The following WDR26 variants were observed in gnomAD, a reference collection of about 807,000 sequenced individuals.
WDR26 encodes the protein WD repeat-containing protein 26.
WDR26 carries 5 observed loss-of-function variants against 84.1 expected under a neutral mutation model. The observed-to-expected ratio is 0.06, with a 90% confidence interval of 0.03 to 0.13. The LOEUF (loss-of-function observed/expected upper bound fraction) is 0.13. Among genes scored for constraint, WDR26 ranks in the 10% least tolerant of loss-of-function variants. The probability of loss-of-function intolerance (pLI) is 1.00; values close to 1 mark genes in which losing one functional copy is unlikely to be tolerated. For missense variants in WDR26, 642 were observed against 974.9 expected (o/e 0.66, Z 4.55); for synonymous variants, 415 against 389.6 (o/e 1.07, Z -0.77).
At chr1:224,420,974 T>C (rs532430091) in intron 4 of WDR26, among the ~76,000 whole-genome samples, 31 of 152,344 alleles carry the variant, frequency 2.0e-4, no homozygotes, top group African/African-American at 7.0e-4. Flanking sequence ...AATTATATTT[T>C]AAAATGTTCA....
At chr1:224,407,798 C>T (rs1030447085) in intron 7 of WDR26, among the ~76,000 whole-genome samples, 10 of 151,904 alleles carry the variant, frequency 6.6e-5, no homozygotes, top group Admixed American at 5.2e-4. Context: ...GGTAAGCCAC[C>T]GCACCCGGCC....
intron 5 of WDR26, among the ~76,000 whole-genome samples, chr1:224,418,737 T>C (rs1225344248): frequency 2.0e-5 from 3 of 152,196 alleles, no homozygotes; most frequent in East Asian, 3.8e-4. Flanking sequence ...TTAGATATTA[T>C]TGTGTACCAG....
At chr1:224,429,800 T>G (rs1376266708) in intron 3 of WDR26, 1 of 152,220 alleles carries the variant, frequency 6.6e-6, no homozygotes, top group Non-Finnish European at 1.5e-5. Context: ...ACATGCTGCC[T>G]CTAATGAAGG....
chr1:224,427,858 T>G (rs1414313753), intron 3 of WDR26, among the ~76,000 whole-genome samples: 1 of 152,176 alleles, frequency 6.6e-6, no homozygotes, highest in Non-Finnish European at 1.5e-5. Flanking sequence ...TGTTAAATAT[T>G]TACTGAAAAC....
intron 12 of WDR26, among the ~76,000 whole-genome samples, chr1:224,394,574 G>A (rs192385039): frequency 5.4e-5 from 8 of 148,740 alleles, no homozygotes; most frequent in South Asian, 2.1e-4. Flanking sequence ...GCAATATCTC[G>A]GCTGACTGCA....
At chr1:224,408,009 A>T (rs534386993) in intron 7 of WDR26, among the ~76,000 whole-genome samples, 7 of 152,334 alleles carry the variant, frequency 4.6e-5, no homozygotes, top group African/African-American at 1.7e-4. Context: ...TGGCAACAAA[A>T]GCCCTTTACA....
intron 7 of WDR26, among the ~76,000 whole-genome samples, chr1:224,407,151 A>AAAAAAAAAATATATATATATATAT: frequency 8.4e-5 from 1 of 11,872 alleles, no homozygotes; most frequent in Admixed American, 1.3e-3. Flanking sequence ...AAAAAAAAAA[A>AAAAAAAAAATATATATATATATAT]ATATATATAT....
At chr1:224,414,898 C>A (rs1673849431) in intron 6 of WDR26, among the ~76,000 whole-genome samples, 1 of 152,186 alleles carries the variant, frequency 6.6e-6, no homozygotes, top group African/African-American at 2.4e-5. Context: ...GTGTGGTGGT[C>A]CACACCTGAA....
At chr1:224,417,690 T>A (rs566460048) in intron 6 of WDR26, among the ~76,000 whole-genome samples, 13 of 152,350 alleles carry the variant, frequency 8.5e-5, no homozygotes, top group African/African-American at 1.2e-4. Context: ...ACAGAGAGGC[T>A]GTGTCTAAAA....
chr1:224,433,659 CCA>C, intron 1 of WDR26, 23 bp downstream of exon 1: 1 of 1,416,584 alleles, frequency 7.1e-7, no homozygotes, highest in Non-Finnish European at 9.3e-7. Flanking sequence ...CTGTCCATCA[CCA>C]GCTGGCGGTA....
chr1:224,427,103 C>CAAAAAAAA (rs769063024), intron 3 of WDR26, among the ~76,000 whole-genome samples: 12,895 of 90,158 alleles, frequency 0.14, 1,623 homozygotes, highest in Non-Finnish European at 0.17. Context: ...AACTCTGTCT[C>CAAAAAAAA]CAAAAAAAAA....
intron 6 of WDR26, among the ~76,000 whole-genome samples, chr1:224,413,726 T>C (rs1371672727): frequency 6.6e-6 from 1 of 152,238 alleles, no homozygotes; most frequent in Admixed American, 6.5e-5. Context: ...TTTAAAATCA[T>C]ATTTTTCAAG....
At chr1:224,411,704 CTTT>C (rs376478237) in intron 6 of WDR26, 139 bp from the exon 7 acceptor site, 834 of 725,022 alleles carry the variant, frequency 1.2e-3, no homozygotes, top group South Asian at 2.0e-3. Context: ...ATTTGTAAAT[CTTT>C]TTTTTTTTTT....
intron 4 of WDR26, among the ~76,000 whole-genome samples, chr1:224,420,678 A>G (rs1035944613): frequency 2.7e-4 from 41 of 152,288 alleles, no homozygotes; most frequent in South Asian, 4.1e-4. Flanking sequence ...TTTTTAGTAC[A>G]TAAATAGTGC....
At chr1:224,429,426 G>A (rs903373792) in intron 3 of WDR26, 6 of 152,012 alleles carry the variant, frequency 3.9e-5, no homozygotes, top group African/African-American at 1.4e-4. Flanking sequence ...AAATAATTAC[G>A]TTTAAAGAAA....
chr1:224,389,970 C>CA (rs1279531377), intron 13 of WDR26, 110 bp from the exon 14 acceptor site: 12 of 725,044 alleles, frequency 1.7e-5, no homozygotes, highest in Non-Finnish European at 2.7e-5. Context: ...TATGACATTA[C>CA]AAAATTATAC....
At chr1:224,414,039 T>C (rs1673818204) in intron 6 of WDR26, among the ~76,000 whole-genome samples, 1 of 152,008 alleles carries the variant, frequency 6.6e-6, no homozygotes, top group African/African-American at 2.4e-5. Context: ...CTCGAACTCC[T>C]GACCTCACGT....
At chr1:224,407,151 A>AAAAAAAAATATATATATAT in intron 7 of WDR26, among the ~76,000 whole-genome samples, 18 of 11,878 alleles carry the variant, frequency 1.5e-3, no homozygotes, top group Middle Eastern at 0.071. Context: ...AAAAAAAAAA[A>AAAAAAAAATATATATATAT]ATATATATAT....
chr1:224,400,998 A>T lies in WDR26; in HGVS notation c.1671T>A (p.Asp557Glu). The change falls in exon 9 of 14, where the codon GAT becomes GAA. Residue 557 changes from aspartate (D) to glutamate (E), a missense_variant. Asp to Glu is a conservative substitution (Grantham distance 45). Around this residue, in one of 2 missense-constraint regions of WDR26, gnomAD observed 351 missense variants for 672.8 expected, o/e 0.52. Transcript: ENST00000414423. ...GACCTCCAGTCACAAAGCGCTTCCC[A>T]TCTGGATTCCAAGCCACACTTGTCA... The T allele has an allele frequency of 1.2e-6, 2 of 1,614,140 alleles. No individual in the cohort carries two copies. The highest frequency in any genetic ancestry group is 1.7e-6 in the Non-Finnish European group (2 of 1,180,004).
Sources: gnomAD v4.1 joint callset for allele counts (sites outside exome capture counted in the v4.1 genomes callset) on GRCh38, gnomAD v4.1.1 for gene constraint, gnomAD v4.1.1 regional missense constraint, MANE v1.5 for transcripts, NCBI Gene and HGNC (gene_info 2026-07-23, HGNC 2026-07-21) for gene names.